Variants in PLCH1 observed in about 807,000 individuals in gnomAD.
PLCH1 encodes the protein 1-phosphatidylinositol 4,5-bisphosphate phosphodiesterase eta-1.
In PLCH1, 60 loss-of-function variants were observed where a neutral mutation model predicts 126.7. The ratio of observed to expected loss-of-function variants is 0.47; its 90% CI spans 0.38 to 0.59. PLCH1 has a LOEUF of 0.59. Ranked by LOEUF, PLCH1 falls within the 20% of genes least tolerant of loss-of-function variation. The pLI is 0.00. For synonymous variants in PLCH1, 719 were observed against 734.9 expected, an observed-to-expected ratio of 0.98 and a Z score of 0.35; for missense variants, 1,723 against 2,040.0, an observed-to-expected ratio of 0.84 and a Z score of 2.99.
intron 2 of PLCH1, among the ~76,000 whole-genome samples, chr3:155,674,312 C>T (rs973542620): frequency 1.3e-5 from 2 of 152,150 alleles, no homozygotes; most frequent in Non-Finnish European, 2.9e-5. Context: ...GGGCTTTATA[C>T]TTCATGGTCT....
At chr3:155,670,406 A>T (rs2108980203) in intron 2 of PLCH1, among the ~76,000 whole-genome samples, 1 of 152,318 alleles carries the variant, frequency 6.6e-6, no homozygotes, top group African/African-American at 2.4e-5. Flanking sequence ...AAAAGCAAGA[A>T]GCAAGAGGTC....
Position 155,523,982 on chromosome 3 carries a change from A to C in PLCH1, c.1385T>G (p.Leu462Arg). 6.2e-7 allele frequency: 1 copy of C among 1,602,380 alleles called. No homozygotes were observed. The change falls in exon 11 of 23, where the codon CTT becomes CGT. Residue 462 changes from leucine (L) to arginine (R), a missense_variant. Physicochemically the swap from Leu to Arg is moderately radical, Grantham distance 102 (BLOSUM62 -2). Transcript: ENST00000460012. ...TTCCCCTTCCTCTGCATCATCCCCAAGGTGATAAGGCAACTTCTTACCCTG... is the reference window on the plus strand; with the variant it reads ...TTCCCCTTCCTCTGCATCATCCCCACGGTGATAAGGCAACTTCTTACCCTG... ...LVKGKKLPYH[L>R]GDDAEEGEVS...
At chr3:155,741,686 T>TTTA (rs1283892898) in intron 1 of PLCH1, among the ~76,000 whole-genome samples, 7 of 124,546 alleles carry the variant, frequency 5.6e-5, no homozygotes, top group East Asian at 4.3e-4. Flanking sequence ...TATATCCTCT[T>TTTA]TTTTTTTTTT....
At chr3:155,610,469 G>A (rs1267089652) in intron 2 of PLCH1, among the ~76,000 whole-genome samples, 5 of 149,316 alleles carry the variant, frequency 3.3e-5, no homozygotes, top group South Asian at 4.2e-4. Flanking sequence ...AGGAAAAACC[G>A]TCAGGTAACG....
At chr3:155,718,212 AC>A (rs139286663) in intron 1 of PLCH1, among the ~76,000 whole-genome samples, 11,708 of 152,138 alleles carry the variant, frequency 0.077, 491 homozygotes, top group South Asian at 0.15. Flanking sequence ...TCCATCTGAG[AC>A]CTCTTTAGCT....
intron 10 of PLCH1, among the ~76,000 whole-genome samples, chr3:155,530,509 G>A (rs796588990): frequency 1.2e-4 from 19 of 152,036 alleles, no homozygotes; most frequent in African/African-American, 4.6e-4. Flanking sequence ...AGTAGAGACG[G>A]GGTTTCACTG....
intron 12 of PLCH1, among the ~76,000 whole-genome samples, chr3:155,514,102 C>A (rs772955507): frequency 1.1e-4 from 17 of 152,166 alleles, no homozygotes; most frequent in Non-Finnish European, 2.2e-4. Context: ...CACCACTGAG[C>A]CTTGGGATTA....
chr3:155,523,184 G>C (rs1721409738), intron 11 of PLCH1, among the ~76,000 whole-genome samples: 1 of 152,070 alleles, frequency 6.6e-6, no homozygotes, highest in Non-Finnish European at 1.5e-5. Context: ...CACCATGTTA[G>C]CCAGGATGGT....
chr3:155,701,413 CT>C (rs1430638894), intron 2 of PLCH1, among the ~76,000 whole-genome samples: 2 of 152,150 alleles, frequency 1.3e-5, no homozygotes, highest in Non-Finnish European at 2.9e-5. Context: ...CTCTTTTATC[CT>C]GGCAACACTG....
At chr3:155,514,666 A>C in intron 12 of PLCH1, 57 bp downstream of exon 12, 1 of 1,136,610 alleles carries the variant, frequency 8.8e-7, no homozygotes, top group Non-Finnish European at 1.2e-6. Flanking sequence ...TTAGAAACAA[A>C]GTATGAGATG....
intron 13 of PLCH1, among the ~76,000 whole-genome samples, chr3:155,503,843 C>A (rs569085248): frequency 9.2e-4 from 140 of 152,290 alleles, no homozygotes; most frequent in African/African-American, 3.2e-3. Flanking sequence ...TGGCCTATTT[C>A]TGTCTTTTGA....
chr3:155,499,094 G>A (rs990407727), intron 14 of PLCH1, among the ~76,000 whole-genome samples: 1 of 152,184 alleles, frequency 6.6e-6, no homozygotes, highest in Admixed American at 6.5e-5. Context: ...TGCCTTTTCG[G>A]TTATAAGTAT....
chr3:155,692,697 T>TTC (rs952523065), intron 2 of PLCH1, among the ~76,000 whole-genome samples: 2 of 152,174 alleles, frequency 1.3e-5, no homozygotes, highest in African/African-American at 4.8e-5. Context: ...ACAGCAAGGA[T>TTC]TCTCTGAGCC....
chr3:155,686,878 A>C (rs1376044414), intron 2 of PLCH1, among the ~76,000 whole-genome samples: 1 of 152,218 alleles, frequency 6.6e-6, no homozygotes, highest in East Asian at 1.9e-4. Context: ...AAAAATGAAC[A>C]TGAACCTTAT....
At chr3:155,556,979 GA>G in intron 8 of PLCH1, among the ~76,000 whole-genome samples, 1 of 151,998 alleles carries the variant, frequency 6.6e-6, no homozygotes, top group Admixed American at 6.6e-5. Flanking sequence ...ATCCCTATGG[GA>G]AAAAAATAGA....
intron 2 of PLCH1, among the ~76,000 whole-genome samples, chr3:155,633,219 T>C (rs1015490721): frequency 4.6e-5 from 7 of 152,112 alleles, no homozygotes; most frequent in African/African-American, 1.7e-4. Context: ...CCTTCTCAAA[T>C]GTATCATAGT....
chr3:155,693,702 G>A (rs948587023), intron 2 of PLCH1, among the ~76,000 whole-genome samples: 2 of 152,140 alleles, frequency 1.3e-5, no homozygotes, highest in Admixed American at 6.5e-5. Context: ...GGCCAAGGAG[G>A]GTGGATCACC....
intron 10 of PLCH1, among the ~76,000 whole-genome samples, chr3:155,533,239 G>A (rs1391901629): frequency 1.3e-5 from 2 of 151,982 alleles, no homozygotes; most frequent in South Asian, 2.1e-4. Flanking sequence ...TTTGCAGCCT[G>A]ATGATGTGAT....
At chr3:155,550,550 C>A (rs1725969868) in intron 9 of PLCH1, among the ~76,000 whole-genome samples, 1 of 152,134 alleles carries the variant, frequency 6.6e-6, no homozygotes, top group Non-Finnish European at 1.5e-5. Flanking sequence ...GCCAAGCATT[C>A]ATTCTACACC....
Sources: gnomAD v4.1 joint callset for allele counts (sites outside exome capture counted in the v4.1 genomes callset) on GRCh38, gnomAD v4.1.1 for gene constraint, MANE v1.5 for transcripts, NCBI Gene and HGNC (gene_info 2026-07-23, HGNC 2026-07-21) for gene names.